HDAC4: variants seen among roughly 807,000 people sequenced by gnomAD.
The protein encoded by HDAC4 is histone deacetylase 4, also known as histone deacetylase A.
A neutral mutation model predicts 135.1 loss-of-function variants in HDAC4; 16 were observed. The ratio of observed to expected loss-of-function variants is 0.12; its 90% CI spans 0.08 to 0.18. The LOEUF (loss-of-function observed/expected upper bound fraction) is 0.18. Ranked by LOEUF, HDAC4 falls within the 10% of genes least tolerant of loss-of-function variation. The probability of loss-of-function intolerance (pLI) is 1.00; values close to 1 mark genes in which losing one functional copy is unlikely to be tolerated. For missense variants in HDAC4, 1,143 were observed against 1,511.8 expected (o/e 0.76, Z 4.05); for synonymous variants, 685 against 653.4 (o/e 1.05, Z -0.74).
intron 12 of HDAC4, among the ~76,000 whole-genome samples, chr2:239,124,757 T>TTA (rs1410183687): frequency 5.7e-5 from 7 of 123,296 alleles, no homozygotes; most frequent in Non-Finnish European, 8.8e-5. Flanking sequence ...ACATTCCATG[T>TTA]TATGTGACAT....
intron 14 of HDAC4, among the ~76,000 whole-genome samples, chr2:239,109,576 T>C (rs963295848): frequency 7.3e-5 from 11 of 150,738 alleles, no homozygotes; most frequent in Middle Eastern, 3.4e-3. Context: ...CTGGAGGTAC[T>C]TGCACAACAG....
chr2:239,298,265 T>G, intron 2 of HDAC4: 2 of 1,283,444 alleles, frequency 1.6e-6, no homozygotes, highest in Non-Finnish European at 2.0e-6. Context: ...GACGACAGAC[T>G]GGGCTGGTGC....
At chr2:239,278,455 T>C (rs971843761) in intron 2 of HDAC4, among the ~76,000 whole-genome samples, 7 of 152,220 alleles carry the variant, frequency 4.6e-5, no homozygotes, top group African/African-American at 1.7e-4. Context: ...GCAGGCAGAT[T>C]GCTTGAGCCC....
At chr2:239,112,472 C>G (rs577691484) in intron 13 of HDAC4, among the ~76,000 whole-genome samples, 21 of 152,296 alleles carry the variant, frequency 1.4e-4, no homozygotes, top group Admixed American at 7.2e-4. Flanking sequence ...CTTCTGGGCA[C>G]CCAGGACCTT....
chr2:239,276,404 G>A (rs2050368205), intron 2 of HDAC4, among the ~76,000 whole-genome samples: 1 of 152,214 alleles, frequency 6.6e-6, no homozygotes, highest in African/African-American at 2.4e-5. Context: ...GACGGGGGCA[G>A]GAGTGGGACA....
At chr2:239,394,613 A>G (rs1320323322) in intron 1 of HDAC4, among the ~76,000 whole-genome samples, 2 of 152,176 alleles carry the variant, frequency 1.3e-5, no homozygotes, top group Non-Finnish European at 2.9e-5. Context: ...TCTCCTTAGG[A>G]GCATGTAATC....
In HDAC4 at chr2:239,146,387, T is replaced by C. The variant is rs1402196424; in HGVS notation, c.734-1673A>G. Among the ~76,000 whole-genome samples, 1 of 152,190 alleles carries C rather than the reference T, an allele frequency of 6.6e-6. No individual in the cohort carries two copies. Among genetic ancestry groups the C allele is most frequent in the Non-Finnish European group, 1.5e-5 (1 of 68,008 alleles). The stretch of plus-strand genomic sequence containing the variant: ...AGCCACTTCTGAGAGGCAGGGGCTG[T>C]GTGTGCCCACAGAAGAGCACAGGGT... On this transcript the variant is annotated intron_variant, in intron 7 of 26. Transcript: ENST00000543185. This position sits in a 1 kb window ranked among gnomAD's most constrained non-coding sequence, Gnocchi z 4.5.
At chr2:239,169,197 T>G (rs1334688951) in intron 5 of HDAC4, among the ~76,000 whole-genome samples, 1 of 152,204 alleles carries the variant, frequency 6.6e-6, no homozygotes, top group Non-Finnish European at 1.5e-5. Flanking sequence ...ATTTTAAACT[T>G]CAATTCTTTG....
At chr2:239,267,074 C>T (rs1011341048) in intron 2 of HDAC4, among the ~76,000 whole-genome samples, 4 of 151,982 alleles carry the variant, frequency 2.6e-5, no homozygotes, top group South Asian at 4.2e-4. Context: ...ATGGTCTCCG[C>T]GGCAGCTGTA....
chr2:239,111,340 G>A (rs1254795930), intron 14 of HDAC4, among the ~76,000 whole-genome samples, 186 bp downstream of exon 14: 1 of 152,244 alleles, frequency 6.6e-6, no homozygotes, highest in Non-Finnish European at 1.5e-5. Context: ...AGAACTGAAG[G>A]TGTGGGGTGT....
intron 2 of HDAC4, among the ~76,000 whole-genome samples, chr2:239,321,690 T>G (rs1035355952): frequency 6.6e-6 from 1 of 152,088 alleles, no homozygotes; most frequent in African/African-American, 2.4e-5. Flanking sequence ...TACAGGATGC[T>G]TTTCTTCTAA....
At chr2:239,166,601 T>C (rs1208719456) in intron 5 of HDAC4, among the ~76,000 whole-genome samples, 1 of 152,186 alleles carries the variant, frequency 6.6e-6, no homozygotes, top group African/African-American at 2.4e-5. Flanking sequence ...GGTCAGAAGA[T>C]CACACACTTA....
intron 16 of HDAC4, among the ~76,000 whole-genome samples, chr2:239,097,877 AGTGGCTCCG>A (rs1158355694): frequency 6.6e-6 from 1 of 152,218 alleles, no homozygotes; most frequent in Non-Finnish European, 1.5e-5. Context: ...TGGGGCTGGG[AGTGGCTCCG>A]TGGGCCACGT....
At chr2:239,384,933 C>G (rs1437910747) in intron 1 of HDAC4, among the ~76,000 whole-genome samples, 2 of 152,204 alleles carry the variant, frequency 1.3e-5, no homozygotes, top group Non-Finnish European at 1.5e-5. Flanking sequence ...CTCTGCACCC[C>G]ACCGGGCCCA....
At chr2:239,378,688 GAACCCGGGAACCAAT>G (rs1695200536) in intron 1 of HDAC4, among the ~76,000 whole-genome samples, 1 of 126,906 alleles carries the variant, frequency 7.9e-6, no homozygotes. Context: ...GGGAACCAAT[GAACCCGGGAACCAAT>G]AACCCCGGGA....
chr2:239,270,535 T>C (rs1397741718), intron 2 of HDAC4, among the ~76,000 whole-genome samples: 1 of 152,156 alleles, frequency 6.6e-6, no homozygotes, highest in South Asian at 2.1e-4. Flanking sequence ...TAAGCTGAAA[T>C]AGTCCGGGGG....
At chr2:239,346,589 ACAC>A (rs1188460436) in intron 2 of HDAC4, among the ~76,000 whole-genome samples, 3 of 147,886 alleles carry the variant, frequency 2.0e-5, no homozygotes, top group Admixed American at 2.0e-4. Context: ...ACCATAACAC[ACAC>A]ACCTGTCTAA....
At position 239,303,181 on chromosome 2, in the gene HDAC4, G is replaced by A. The variant is rs1488991500; in HGVS notation, c.22+49497C>T. ...GGCGTGAGGCACCTGGCCCTGGCCT[G>A]TTCCCATCCCACACCCGGCTGCTCA... On this transcript the variant is annotated intron_variant, in intron 2 of 26. Coordinates refer to ENST00000543185, the MANE Select transcript of HDAC4 (RefSeq NM_001378414.1). The surrounding 1 kb of genome is among the most constrained non-coding windows in gnomAD (Gnocchi z 5.1). 6.6e-6 allele frequency among the ~76,000 whole-genome samples: 1 copy of A among 152,242 alleles called. No homozygotes were observed. The highest frequency in any genetic ancestry group is 2.4e-5 in the African/African-American group (1 of 41,462).
At chr2:239,171,148 T>C (rs2043425428) in intron 5 of HDAC4, among the ~76,000 whole-genome samples, 1 of 87,602 alleles carries the variant, frequency 1.1e-5, no homozygotes, top group African/African-American at 4.9e-5. Context: ...TATCCAACCA[T>C]AGAAATAAAC....
Sources: gnomAD v4.1 joint callset for allele counts (sites outside exome capture counted in the v4.1 genomes callset) on GRCh38, gnomAD v4.1.1 for gene constraint, Gnocchi (gnomAD v3.1) non-coding constraint, MANE v1.5 for transcripts, NCBI Gene and HGNC (gene_info 2026-07-23, HGNC 2026-07-21) for gene names.